The following TFF2 variants were observed in gnomAD, a reference collection of about 807,000 sequenced individuals.
TFF2 encodes trefoil factor 2, also known as spasmolysin.
A neutral mutation model predicts 16.0 loss-of-function variants in TFF2; 19 were observed. The observed-to-expected ratio is 1.19, with a 90% confidence interval of 0.83 to 1.74. The LOEUF (loss-of-function observed/expected upper bound fraction) is 1.74, where lower values mean the gene tolerates loss of function less well. TFF2 is among the 40% of genes most tolerant of loss of function. The probability of loss-of-function intolerance (pLI) is 0.00; values close to 1 mark genes in which losing one functional copy is unlikely to be tolerated. For synonymous variants in TFF2, 61 were observed against 65.4 expected (o/e 0.93, Z 0.32); for missense variants, 168 against 166.8 (o/e 1.01, Z -0.04).
chr21:42,347,068 G>A (rs2052074336), intron 3 of TFF2, among the ~76,000 whole-genome samples: 1 of 152,228 alleles, frequency 6.6e-6, no homozygotes, highest in Non-Finnish European at 1.5e-5. Flanking sequence ...TCGGGGTCAT[G>A]TGGGGGAGAA....
chr21:42,347,840 T>C (rs983679151), intron 2 of TFF2, among the ~76,000 whole-genome samples: 2 of 152,040 alleles, frequency 1.3e-5, no homozygotes, highest in Non-Finnish European at 2.9e-5. Flanking sequence ...ACTGTGGAAG[T>C]GTCGGCCCCA....
At chr21:42,349,387 G>GCTAGCCCCAGACTAACCAACCTGGGCTA (rs1555848793) in intron 2 of TFF2, among the ~76,000 whole-genome samples, 7,147 of 122,286 alleles carry the variant, frequency 0.058, 445 homozygotes, top group East Asian at 0.082. Context: ...ACCAACCTGG[G>GCTAGCCCCAGACTAACCAACCTGGGCTA]CTAGCCCCAG....
In TFF2 at chr21:42,347,422, T is replaced by C. The variant is rs1298232406; in HGVS notation, c.376+64A>G. 18 of 1,606,134 alleles carry C rather than the reference T, an allele frequency of 1.1e-5. No homozygotes were observed. The Admixed American group carries it at 1.3e-4, about 12-fold the overall frequency. ...GCAGCTCCCCTCCCTGCACCCCACCTCTACGGACGGAGGAGGAATCATGGT... is the reference window on the plus strand; with the variant it reads ...GCAGCTCCCCTCCCTGCACCCCACCCCTACGGACGGAGGAGGAATCATGGT... On this transcript the variant is annotated intron_variant, in intron 3 of 3. Coordinates refer to ENST00000291526, the MANE Select transcript of TFF2 (RefSeq NM_005423.5).
Position 42,346,459 on chromosome 21 carries a change from C to A in TFF2, c.*74G>T. On this transcript the variant is annotated 3_prime_UTR_variant, in exon 4 of 4. Transcript: ENST00000291526. ...ACCCAGGATTTCATGAAGTATGAAG[C>A]TGATAAGGCGAAGTTTCTTCTTTGG... The A allele has an allele frequency of 4.5e-6, 7 of 1,561,960 alleles. No homozygotes were observed. Among genetic ancestry groups the A allele is most frequent in the Non-Finnish European group, 6.1e-6 (7 of 1,138,418 alleles).
At chr21:42,350,223 T>A in intron 1 of TFF2, 193 bp from the exon 2 acceptor site, 2 of 1,222,150 alleles carry the variant, frequency 1.6e-6, no homozygotes, top group Non-Finnish European at 1.0e-6. Flanking sequence ...GTTATATTAG[T>A]TTAAAAGGAA....
At chr21:42,350,061 T>G in intron 1 of TFF2, 31 bp from the exon 2 acceptor site, 1 of 1,577,506 alleles carries the variant, frequency 6.3e-7, no homozygotes. Context: ...GGCCCCACCC[T>G]GGTACCCCAG....
At chr21:42,350,372 CA>C (rs796159778) in intron 1 of TFF2, 2,917 of 188,558 alleles carry the variant, frequency 0.015, 13 homozygotes, top group African/African-American at 0.028. Context: ...ACAAACAATA[CA>C]AAAAAAAAAA....
intron 2 of TFF2, among the ~76,000 whole-genome samples, 173 bp downstream of exon 2, chr21:42,349,708 A>G (rs2052100248): frequency 6.6e-6 from 1 of 152,244 alleles, no homozygotes; most frequent in African/African-American, 2.4e-5. Flanking sequence ...CTCTAGACTA[A>G]CCAACCTGGG....
Position 42,346,398 on chromosome 21 carries a change from T to G in TFF2, c.*135A>C, listed in dbSNP as rs1420874143. 8.5e-7 allele frequency: 1 copy of G among 1,181,544 alleles called. No homozygotes were observed. The highest frequency in any genetic ancestry group is 1.2e-6 in the Non-Finnish European group (1 of 805,580). 73.2% of individuals were successfully genotyped at this position (1,181,544 alleles called of 1,614,324 possible). A position where few individuals can be genotyped will look rare whatever the true frequency, so the allele number is the denominator to read the frequency against. The stretch of plus-strand genomic sequence containing the variant: ...GGTTTTATTTAAAGAAATTATATGT[T>G]AAACCATTGAAAATGAGGAAAAGAT... On this transcript the variant is annotated 3_prime_UTR_variant, in exon 4 of 4. Transcript: ENST00000291526.
At chr21:42,348,338 T>A (rs1290929704) in intron 2 of TFF2, among the ~76,000 whole-genome samples, 1 of 152,232 alleles carries the variant, frequency 6.6e-6, no homozygotes, top group Non-Finnish European at 1.5e-5. Flanking sequence ...ATTTGAGGGC[T>A]GTCAGCCCTT....
intron 1 of TFF2, 56 bp from the exon 2 acceptor site, chr21:42,350,086 T>C: frequency 6.5e-7 from 1 of 1,546,464 alleles, no homozygotes; most frequent in South Asian, 1.2e-5. Context: ...CACTGCTCCT[T>C]CTCTCAGAGG....
chr21:42,350,962 A>G lies in TFF2; in HGVS notation c.-5T>C. 6.2e-7 allele frequency: 1 copy of G among 1,613,702 alleles called. No homozygotes were observed. Among genetic ancestry groups the G allele is most frequent in the South Asian group, 1.1e-5 (1 of 90,976 alleles). On this transcript the variant is annotated 5_prime_UTR_variant, in exon 1 of 4. Transcript: ENST00000291526. Reference sequence around the variant, plus strand: ...CTGGGCGTCTCGCCGTCCCATGTCTAGCTCAGCTGCACCCCAGGGTGGCTT... The same window carrying G: ...CTGGGCGTCTCGCCGTCCCATGTCTGGCTCAGCTGCACCCCAGGGTGGCTT...
intron 3 of TFF2, 46 bp from the exon 4 acceptor site, chr21:42,346,592 G>A (rs2052070132): frequency 6.3e-7 from 1 of 1,580,924 alleles, no homozygotes; most frequent in East Asian, 2.3e-5. Flanking sequence ...CCCCAGAAAT[G>A]GGAGTGCCTA....
At chr21:42,350,457 T>C in intron 1 of TFF2, 1 of 183,694 alleles carries the variant, frequency 5.4e-6, no homozygotes, top group Admixed American at 5.8e-5. Context: ...CACTTGAGCC[T>C]GGGAGGCAGA....
At chr21:42,347,779 C>T in intron 2 of TFF2, 147 bp from the exon 3 acceptor site, 1 of 1,073,496 alleles carries the variant, frequency 9.3e-7, no homozygotes, top group Non-Finnish European at 1.3e-6. Flanking sequence ...CCGGGACGGC[C>T]TCCCCCGGGG....
Position 42,346,690 on chromosome 21 carries a change from G to A in TFF2, c.377-144C>T, listed in dbSNP as rs573981812. On this transcript the variant is annotated intron_variant, in intron 3 of 3. Transcript: ENST00000291526. The stretch of plus-strand genomic sequence containing the variant: ...TCCTTTCCCGGGGAGGGGGTGTAAA[G>A]GGACCAAATCTTCCCACCCCAGGCC... 1.0e-4 allele frequency: 92 copies of A among 918,718 alleles called. No homozygotes were observed. In the African/African-American group the frequency reaches 1.3e-3, roughly 13 times the overall value. The allele number at this position is 918,718 out of a possible 1,614,324, so 56.9% of individuals were successfully genotyped here.
At chr21:42,348,968 A>G (rs2052091305) in intron 2 of TFF2, among the ~76,000 whole-genome samples, 1 of 151,600 alleles carries the variant, frequency 6.6e-6, no homozygotes, top group Non-Finnish European at 1.5e-5. Flanking sequence ...GTCCCAGACT[A>G]ACCAACCTGG....
At chr21:42,349,732 A>T in intron 2 of TFF2, 149 bp downstream of exon 2, 1 of 802,056 alleles carries the variant, frequency 1.2e-6, no homozygotes, top group Non-Finnish European at 1.9e-6. Flanking sequence ...GCCCCAGACT[A>T]ACCAACCGGG....
At position 42,349,896 on chromosome 21, in the gene TFF2, G is replaced by A. The variant is rs1176139087; in HGVS notation, c.214C>T (p.Pro72Ser). The A allele has an allele frequency of 3.8e-6, 6 of 1,598,156 alleles. No homozygotes were observed. The African/African-American group carries it at 4.0e-5, about 11-fold the overall frequency. Residue 72 changes from proline to serine, a missense_variant, in exon 2 of 4, where the codon CCC becomes TCC. Pro to Ser is a moderately conservative substitution (Grantham distance 74). Coordinates refer to ENST00000291526, the MANE Select transcript of TFF2 (RefSeq NM_005423.5). ...GGAAGATTACCTTGCTTTGGGAGGGGGTGGAAACACCAGGGGACCCCAGTG... is the reference window on the plus strand; with the variant it reads ...GGAAGATTACCTTGCTTTGGGAGGGAGTGGAAACACCAGGGGACCCCAGTG... ...SVTGVPWCFH[P>S]LPKQESDQCV...
Sources: allele counts gnomAD v4.1 joint callset (sites outside exome capture counted in the v4.1 genomes callset), GRCh38; gene constraint gnomAD v4.1.1; transcripts MANE v1.5; gene names NCBI Gene and HGNC (gene_info 2026-07-23, HGNC 2026-07-21).